The following SEL1L3 variants were observed in gnomAD, a reference collection of about 807,000 sequenced individuals.
SEL1L3 encodes the protein protein sel-1 homolog 3.
In SEL1L3, 76 loss-of-function variants were observed where a neutral mutation model predicts 142.8. That is an observed-to-expected ratio of 0.53 (90% CI 0.44 to 0.64). SEL1L3 has a LOEUF of 0.64. SEL1L3 is among the 30% of genes least tolerant of loss of function. SEL1L3 has a pLI of 0.00. For missense variants in SEL1L3, 1,262 were observed against 1,381.7 expected (o/e 0.91, Z 1.37); for synonymous variants, 504 against 519.6 (o/e 0.97, Z 0.41).
At chr4:25,724,761 A>G in the SEL1L3 span, among the ~76,000 whole-genome samples, 1,078 of 76,928 alleles carry the variant, frequency 0.014, 111 homozygotes, top group African/African-American at 0.034. Context: ...AAAAAAAAAA[A>G]AAAAAAAAAA....
chr4:25,772,146 T>C (rs1011331726), intron 17 of SEL1L3, among the ~76,000 whole-genome samples: 4 of 152,174 alleles, frequency 2.6e-5, no homozygotes, highest in Admixed American at 6.5e-5. Flanking sequence ...CCAGCAAACA[T>C]ACATTTCCTA....
chr4:25,830,550 G>T (rs776592353), intron 5 of SEL1L3, among the ~76,000 whole-genome samples: 2 of 152,156 alleles, frequency 1.3e-5, no homozygotes, highest in African/African-American at 4.8e-5. Flanking sequence ...AACAAGATTG[G>T]TGTTGTATGT....
At chr4:25,737,556 C>T in the SEL1L3 span, among the ~76,000 whole-genome samples, 22 of 152,248 alleles carry the variant, frequency 1.4e-4, no homozygotes, top group African/African-American at 4.6e-4. Context: ...CTCAAAGGCC[C>T]TAGCTCTAAA....
intron 23 of SEL1L3, 77 bp downstream of exon 23, chr4:25,757,457 C>CAA (rs879068722): frequency 7.2e-4 from 294 of 408,452 alleles, no homozygotes; most frequent in African/African-American, 2.0e-3. Flanking sequence ...TCCAGTAGAC[C>CAA]AAAAAAAAAA....
chr4:25,859,030 T>C (rs974527582), intron 1 of SEL1L3, among the ~76,000 whole-genome samples: 11 of 152,252 alleles, frequency 7.2e-5, no homozygotes, highest in African/African-American at 2.7e-4. Flanking sequence ...AATATTATAC[T>C]TTGGAGACCA....
the SEL1L3 span, among the ~76,000 whole-genome samples, chr4:25,726,562 T>C: frequency 6.7e-6 from 1 of 150,352 alleles, no homozygotes; most frequent in Non-Finnish European, 1.5e-5. Flanking sequence ...AAAAAACCTG[T>C]TGTACTTCAG....
At chr4:25,806,447 GTTTA>G (rs1713583632) in intron 9 of SEL1L3, among the ~76,000 whole-genome samples, 1 of 152,112 alleles carries the variant, frequency 6.6e-6, no homozygotes, top group Non-Finnish European at 1.5e-5. Flanking sequence ...CTGGGGATGG[GTTTA>G]TTTAAGGGCA....
chr4:25,804,522 G>A lies in SEL1L3; in HGVS notation c.1776+19C>T. On this transcript the variant is annotated intron_variant, in intron 10 of 23. Coordinates refer to ENST00000399878, the MANE Select transcript of SEL1L3 (RefSeq NM_015187.5). ...ATAATGCAAGTGACTGATGTTAATG[G>A]AGCAATGAAATACTCTACCTGCAGC... 1 of 1,552,624 alleles carries A rather than the reference G, an allele frequency of 6.4e-7. No individual in the cohort carries two copies. Among genetic ancestry groups the A allele is most frequent in the African/African-American group, 1.4e-5 (1 of 73,814 alleles).
intron 1 of SEL1L3, 145 bp downstream of exon 1, chr4:25,862,530 G>C: frequency 2.5e-6 from 1 of 402,246 alleles, no homozygotes; most frequent in Non-Finnish European, 4.1e-6. Context: ...CCCAGGTGCC[G>C]GGAACGCCCG....
intron 9 of SEL1L3, among the ~76,000 whole-genome samples, chr4:25,816,975 T>C (rs938647905): frequency 2.6e-5 from 4 of 152,238 alleles, no homozygotes; most frequent in African/African-American, 9.6e-5. Context: ...CCCTTCTTTG[T>C]GTCTCCACCA....
At chr4:25,832,527 T>C (rs543192506) in intron 5 of SEL1L3, among the ~76,000 whole-genome samples, 43 of 152,366 alleles carry the variant, frequency 2.8e-4, no homozygotes, top group South Asian at 6.2e-4. Context: ...TTGGTTATTA[T>C]GGTCTGTTTA....
intron 23 of SEL1L3, among the ~76,000 whole-genome samples, chr4:25,749,742 A>G (rs188344402): frequency 9.8e-4 from 150 of 152,332 alleles, no homozygotes; most frequent in Middle Eastern, 3.4e-3. Flanking sequence ...TTTTCTGTAC[A>G]TTAGTGAGAA....
At chr4:25,741,867 G>A in the SEL1L3 span, among the ~76,000 whole-genome samples, 1 of 151,584 alleles carries the variant, frequency 6.6e-6, no homozygotes, top group Non-Finnish European at 1.5e-5. Flanking sequence ...CAATTGCAAT[G>A]GCGTGATCTT....
Position 25,788,632 on chromosome 4 carries a change from C to A in SEL1L3, c.2077-268G>T, listed in dbSNP as rs1241181083. 6.7e-6 allele frequency among the ~76,000 whole-genome samples: 1 copy of A among 149,534 alleles called. No individual in the cohort carries two copies. Among genetic ancestry groups the A allele is most frequent in the East Asian group, 2.0e-4 (1 of 5,054 alleles). ...TGTGTGTGTGTGTGTATCTACTGTACCCAGGACCAGGGCTAGCTGGAACTT... is the reference window on the plus strand; with the variant it reads ...TGTGTGTGTGTGTGTATCTACTGTAACCAGGACCAGGGCTAGCTGGAACTT... On this transcript the variant is annotated intron_variant, in intron 12 of 23. Coordinates refer to ENST00000399878, the MANE Select transcript of SEL1L3 (RefSeq NM_015187.5). The surrounding 1 kb of genome is among the most constrained non-coding windows in gnomAD (Gnocchi z 5.3).
intron 1 of SEL1L3, among the ~76,000 whole-genome samples, chr4:25,862,349 A>G (rs1389613891): frequency 2.0e-5 from 3 of 149,032 alleles, no homozygotes; most frequent in African/African-American, 7.5e-5. Context: ...CGGGGCGGGG[A>G]GCGAACTCCG....
the SEL1L3 span, among the ~76,000 whole-genome samples, chr4:25,737,421 G>T: frequency 6.6e-6 from 1 of 152,106 alleles, no homozygotes; most frequent in South Asian, 2.1e-4. Context: ...CTTGCTGTGT[G>T]CTTGCATGGC....
chr4:25,777,621 A>G (rs1399823105), intron 16 of SEL1L3: 1 of 336,956 alleles, frequency 3.0e-6, no homozygotes, highest in Non-Finnish European at 5.8e-6. Flanking sequence ...ATTTCAAAGG[A>G]TTGGAATCAT....
intron 11 of SEL1L3, among the ~76,000 whole-genome samples, chr4:25,792,851 T>C (rs781076572): frequency 6.6e-6 from 1 of 152,058 alleles, no homozygotes; most frequent in Non-Finnish European, 1.5e-5. Context: ...TAATGTTTTG[T>C]TTTGTTTTTT....
At chr4:25,817,639 G>C (rs1043255043) in intron 9 of SEL1L3, among the ~76,000 whole-genome samples, 5 of 152,330 alleles carry the variant, frequency 3.3e-5, no homozygotes, top group Admixed American at 6.5e-5. Context: ...TGATGAAACA[G>C]ACAGGAGGGG....
Sources: gnomAD v4.1 joint callset for allele counts (sites outside exome capture counted in the v4.1 genomes callset) on GRCh38, gnomAD v4.1.1 for gene constraint, Gnocchi (gnomAD v3.1) non-coding constraint, MANE v1.5 for transcripts, NCBI Gene and HGNC (gene_info 2026-07-23, HGNC 2026-07-21) for gene names.